The following PARN variants were observed in gnomAD, a reference collection of about 807,000 sequenced individuals.
PARN encodes poly(A)-specific ribonuclease, also known as poly(A)-specific ribonuclease PARN.
A neutral mutation model predicts 102.8 loss-of-function variants in PARN; 71 were observed. The observed-to-expected ratio is 0.69, with a 90% CI of 0.57 to 0.84. The LOEUF (loss-of-function observed/expected upper bound fraction) is 0.84. Ranked by LOEUF, PARN falls within the 40% of genes least tolerant of loss-of-function variation. The pLI is 0.00. For synonymous variants in PARN, 261 were observed against 252.9 expected (o/e 1.03, Z -0.30); for missense variants, 782 against 760.9 (o/e 1.03, Z -0.33).
intron 12 of PARN, among the ~76,000 whole-genome samples, chr16:14,594,524 G>T (rs1970390040): frequency 6.6e-6 from 1 of 152,116 alleles, no homozygotes. Flanking sequence ...AGAACAGCCT[G>T]CCCAGCATGG....
At chr16:14,515,834 G>C (rs1965430679) in intron 21 of PARN, among the ~76,000 whole-genome samples, 1 of 152,030 alleles carries the variant, frequency 6.6e-6, no homozygotes, top group Non-Finnish European at 1.5e-5. Context: ...TAGCTACTCA[G>C]GAGGCTGAAG....
intron 12 of PARN, among the ~76,000 whole-genome samples, chr16:14,597,270 A>G (rs575790575): frequency 5.9e-5 from 9 of 152,326 alleles, no homozygotes; most frequent in East Asian, 3.9e-4. Context: ...CTCCCCCAAG[A>G]TATTCATAAA....
At chr16:14,500,776 T>C (rs1406882707) in intron 21 of PARN, among the ~76,000 whole-genome samples, 1 of 152,218 alleles carries the variant, frequency 6.6e-6, no homozygotes, top group African/African-American at 2.4e-5. Context: ...GCAGCTTTCA[T>C]GGAACCCAGC....
At chr16:14,535,430 C>A (rs997139193) in intron 21 of PARN, among the ~76,000 whole-genome samples, 2 of 152,098 alleles carry the variant, frequency 1.3e-5, no homozygotes, top group African/African-American at 4.8e-5. Context: ...TACAAATACT[C>A]AACAGTGGAA....
At chr16:14,531,382 T>C (rs139775027) in intron 21 of PARN, among the ~76,000 whole-genome samples, 167 of 151,672 alleles carry the variant, frequency 1.1e-3, no homozygotes, top group African/African-American at 3.9e-3. Flanking sequence ...AACAGATGAA[T>C]CCATCTAATA....
intron 21 of PARN, among the ~76,000 whole-genome samples, chr16:14,491,221 C>G (rs910247158): frequency 6.7e-6 from 1 of 150,122 alleles, no homozygotes; most frequent in Non-Finnish European, 1.5e-5. Flanking sequence ...TTCTGTTAAA[C>G]CCTTCGGCAT....
chr16:14,601,129 G>T (rs1165132246), intron 11 of PARN, among the ~76,000 whole-genome samples: 1 of 152,084 alleles, frequency 6.6e-6, no homozygotes, highest in African/African-American at 2.4e-5. Flanking sequence ...ATACCCCAAA[G>T]AATTGAAAGC....
At chr16:14,531,516 T>G (rs1222417170) in intron 21 of PARN, among the ~76,000 whole-genome samples, 1 of 152,208 alleles carries the variant, frequency 6.6e-6, no homozygotes, top group Non-Finnish European at 1.5e-5. Flanking sequence ...ATGTAGCATT[T>G]ATAGATGTGG....
intron 21 of PARN, among the ~76,000 whole-genome samples, chr16:14,550,912 A>G (rs1262741141): frequency 2.0e-5 from 3 of 152,130 alleles, no homozygotes; most frequent in South Asian, 2.1e-4. Context: ...TCAAAATATC[A>G]AAATTATTTA....
At position 14,503,290 on chromosome 16, in the gene PARN, A is replaced by G. The variant is rs1964717284; in HGVS notation, c.1481-20463T>C. Among the ~76,000 whole-genome samples, 5 of 152,320 alleles carry G rather than the reference A, an allele frequency of 3.3e-5. No homozygotes were observed. In the South Asian group the frequency reaches 1.0e-3, roughly 32 times the overall value. ...GTTTATACATGTCAATTTGTATTCT[A>G]GGTGCACAAACAACACTCAGAGAGC... is the stretch of plus-strand genomic sequence containing the variant. On this transcript the variant is annotated intron_variant, in intron 21 of 23. Coordinates refer to ENST00000437198, the MANE Select transcript of PARN (RefSeq NM_002582.4).
chr16:14,517,347 CT>C (rs1965509018), intron 21 of PARN, among the ~76,000 whole-genome samples: 1 of 152,214 alleles, frequency 6.6e-6, no homozygotes, highest in Non-Finnish European at 1.5e-5. Flanking sequence ...ACAAGCTGGA[CT>C]AGCCATCTAC....
rs536071652 is a variant in PARN, at chr16:14,465,180, G to A, written c.1670+17458C>T. ...CCTCCTGGGCTCAAGGGATCCTCCT[G>A]CCTCAGCTTCCCGAGTAGCTGGGAC... On this transcript the variant is annotated intron_variant, in intron 22 of 23. Coordinates refer to ENST00000437198, the MANE Select transcript of PARN (RefSeq NM_002582.4). Among the ~76,000 whole-genome samples the A allele has an allele frequency of 2.0e-5, 3 of 152,244 alleles. No individual in the cohort carries two copies. The South Asian group carries it at 6.2e-4, about 32-fold the overall frequency.
rs965806129 is a variant in PARN, at chr16:14,482,654, A to G, written c.1654T>C (p.Tyr552His). Residue 552 changes from tyrosine (Y) to histidine (H), a missense_variant, in exon 22 of 24, where the codon TAT becomes CAT. Transcript: ENST00000437198. The stretch of plus-strand genomic sequence containing the variant: ...AGCTCTTACCTATTGTTGCGGTAAT[A>G]GTGATTCTGCAGGGTGTAGGGTATG... ...QCIPYTLQNHYYRNNSFTAPS... is the reference protein window; with the variant it reads ...QCIPYTLQNHHYRNNSFTAPS... 4.4e-6 allele frequency: 7 copies of G among 1,605,706 alleles called. 1 individual carries two copies. The Admixed American group carries it at 1.2e-4, about 28-fold the overall frequency.
chr16:14,593,251 A>G, intron 13 of PARN, 50 bp downstream of exon 13: 2 of 970,278 alleles, frequency 2.1e-6, no homozygotes, highest in Non-Finnish European at 3.3e-6. Flanking sequence ...ATATTTTTTC[A>G]GATAAAAAGA....
At chr16:14,530,554 A>T (rs557198469) in intron 21 of PARN, among the ~76,000 whole-genome samples, 16 of 151,902 alleles carry the variant, frequency 1.1e-4, no homozygotes, top group African/African-American at 3.6e-4. Context: ...TAAAAAAAAA[A>T]AACTATATTA....
At chr16:14,550,586 G>A (rs1351720840) in intron 21 of PARN, among the ~76,000 whole-genome samples, 5 of 152,254 alleles carry the variant, frequency 3.3e-5, no homozygotes, top group South Asian at 2.1e-4. Flanking sequence ...TCTACAGCAT[G>A]GCCTGGATTC....
intron 21 of PARN, among the ~76,000 whole-genome samples, chr16:14,543,547 G>C (rs1966854146): frequency 6.6e-6 from 1 of 152,152 alleles, no homozygotes; most frequent in Admixed American, 6.5e-5. Context: ...TACAAGGAAT[G>C]GTTGTAAATG....
At chr16:14,613,544 A>C (rs1029674629) in intron 6 of PARN, among the ~76,000 whole-genome samples, 8 of 152,038 alleles carry the variant, frequency 5.3e-5, no homozygotes, top group African/African-American at 1.2e-4. Context: ...AATCACGTGA[A>C]TCTGGGAGGT....
chr16:14,494,943 C>T (rs1464556118), intron 21 of PARN, among the ~76,000 whole-genome samples: 3 of 152,152 alleles, frequency 2.0e-5, no homozygotes, highest in Middle Eastern at 3.4e-3. Context: ...TGGGAAACAT[C>T]GGTGGAAATG....
Sources: allele counts gnomAD v4.1 joint callset (sites outside exome capture counted in the v4.1 genomes callset), GRCh38; gene constraint gnomAD v4.1.1; transcripts MANE v1.5; gene names NCBI Gene and HGNC (gene_info 2026-07-23, HGNC 2026-07-21).